The following NR3C1 variants were observed in gnomAD, a reference collection of about 807,000 sequenced individuals.
The protein encoded by NR3C1 is nuclear receptor subfamily 3 group C member 1, also known as glucocorticoid receptor.
In NR3C1, 14 loss-of-function variants were observed where a neutral mutation model predicts 74.0. That is an observed-to-expected ratio of 0.19 (90% CI 0.12 to 0.30). The LOEUF (loss-of-function observed/expected upper bound fraction) is 0.30. Among genes scored for constraint, NR3C1 ranks in the 10% least tolerant of loss-of-function variants. NR3C1 has a pLI of 1.00. For missense variants in NR3C1, 695 were observed against 909.8 expected (o/e 0.76, Z 3.04); for synonymous variants, 308 against 332.5 (o/e 0.93, Z 0.80).
intron 2 of NR3C1, among the ~76,000 whole-genome samples, chr5:143,366,666 T>C (rs562190147): frequency 1.3e-5 from 2 of 151,972 alleles, no homozygotes; most frequent in Non-Finnish European, 2.9e-5. Flanking sequence ...AATAAGATTA[T>C]AAAGGAATAC....
chr5:143,284,272 T>G (rs183549893), intron 7 of NR3C1, among the ~76,000 whole-genome samples: 1 of 152,118 alleles, frequency 6.6e-6, no homozygotes, highest in Non-Finnish European at 1.5e-5. Context: ...TTACTTGCCA[T>G]GTGGACTTGA....
intron 2 of NR3C1, among the ~76,000 whole-genome samples, chr5:143,347,003 A>G (rs1004246459): frequency 6.6e-6 from 1 of 152,234 alleles, no homozygotes; most frequent in African/African-American, 2.4e-5. Flanking sequence ...AGTACACAGC[A>G]CTGTAAAGGA....
At chr5:143,356,806 C>T (rs955655032) in intron 2 of NR3C1, among the ~76,000 whole-genome samples, 6 of 152,058 alleles carry the variant, frequency 3.9e-5, no homozygotes, top group South Asian at 4.1e-4. Context: ...ATCAGATGTA[C>T]GTTACTTTTC....
At chr5:143,384,006 T>C (rs1031530758) in intron 2 of NR3C1, among the ~76,000 whole-genome samples, 3 of 152,174 alleles carry the variant, frequency 2.0e-5, no homozygotes, top group Non-Finnish European at 2.9e-5. Flanking sequence ...AGAGACTTAA[T>C]TGACTTACAG....
At chr5:143,399,004 G>A (rs1839758100) in intron 2 of NR3C1, among the ~76,000 whole-genome samples, 1 of 152,148 alleles carries the variant, frequency 6.6e-6, no homozygotes, top group Non-Finnish European at 1.5e-5. Flanking sequence ...CTCTCTTAAA[G>A]AGATTGATCA....
intron 2 of NR3C1, among the ~76,000 whole-genome samples, chr5:143,355,622 A>C (rs542242092): frequency 6.6e-6 from 1 of 152,322 alleles, no homozygotes; most frequent in African/African-American, 2.4e-5. Flanking sequence ...GAAACTCCCA[A>C]ATGTGATCCT....
intron 2 of NR3C1, among the ~76,000 whole-genome samples, chr5:143,353,307 C>A (rs1383059145): frequency 1.3e-5 from 2 of 152,192 alleles, no homozygotes; most frequent in African/African-American, 4.8e-5. Context: ...CTGTTGGAAT[C>A]AACTTCTTTC....
intron 6 of NR3C1, 134 bp downstream of exon 6, chr5:143,298,534 C>A (rs1817799149): frequency 1.1e-6 from 1 of 900,938 alleles, no homozygotes; most frequent in Non-Finnish European, 1.8e-6. Context: ...ACTCTATTTC[C>A]AGTTTGCCTA....
At chr5:143,371,982 T>C (rs1219572208) in intron 2 of NR3C1, among the ~76,000 whole-genome samples, 1 of 152,196 alleles carries the variant, frequency 6.6e-6, no homozygotes, top group Non-Finnish European at 1.5e-5. Context: ...AGACCCCCAA[T>C]GGATGCCTGA....
At chr5:143,295,778 G>A (rs1470368497) in intron 6 of NR3C1, among the ~76,000 whole-genome samples, 188 bp from the exon 7 acceptor site, 2 of 152,124 alleles carry the variant, frequency 1.3e-5, no homozygotes, top group African/African-American at 2.4e-5. Context: ...CATCTTGGCT[G>A]TTTAAATAGA....
At chr5:143,351,484 A>G (rs1600190189) in intron 2 of NR3C1, among the ~76,000 whole-genome samples, 3 of 152,294 alleles carry the variant, frequency 2.0e-5, no homozygotes, top group Admixed American at 2.0e-4. Context: ...TTTGTTGAGG[A>G]AAAAAAGATG....
chr5:143,367,429 G>A (rs1280042656), intron 2 of NR3C1, among the ~76,000 whole-genome samples: 2 of 152,136 alleles, frequency 1.3e-5, no homozygotes, highest in African/African-American at 4.8e-5. Flanking sequence ...AGAAAAAGAA[G>A]TAAAAAATGT....
At chr5:143,333,730 T>A (rs1336040058) in intron 2 of NR3C1, among the ~76,000 whole-genome samples, 2 of 152,078 alleles carry the variant, frequency 1.3e-5, no homozygotes, top group Non-Finnish European at 2.9e-5. Flanking sequence ...ATTGCGCCAG[T>A]GCACTCCAGC....
chr5:143,333,380 T>G (rs1826408595), intron 2 of NR3C1: 1 of 624,262 alleles, frequency 1.6e-6, no homozygotes, highest in African/African-American at 1.8e-5. Flanking sequence ...CTGGTACAAA[T>G]AGATGGAGAC....
intron 2 of NR3C1, among the ~76,000 whole-genome samples, chr5:143,325,485 G>A (rs547733527): frequency 4.6e-4 from 70 of 152,284 alleles, no homozygotes; most frequent in African/African-American, 1.6e-3. Flanking sequence ...CAGCCAAACC[G>A]CATCACTATC....
chr5:143,313,751 T>C (rs373048228), intron 3 of NR3C1, among the ~76,000 whole-genome samples: 2 of 152,274 alleles, frequency 1.3e-5, no homozygotes, highest in East Asian at 1.9e-4. Flanking sequence ...CACTTTCTTA[T>C]AGTGTTACCT....
At chr5:143,376,849 T>A (rs1303280528) in intron 2 of NR3C1, among the ~76,000 whole-genome samples, 1 of 152,202 alleles carries the variant, frequency 6.6e-6, no homozygotes, top group Non-Finnish European at 1.5e-5. Context: ...ATTCACCATC[T>A]GTGACTTAAG....
intron 2 of NR3C1, among the ~76,000 whole-genome samples, chr5:143,350,476 A>T (rs1830037026): frequency 6.6e-6 from 1 of 152,146 alleles, no homozygotes; most frequent in Non-Finnish European, 1.5e-5. Context: ...ATATTTCCTG[A>T]GATAGGGACT....
chr5:143,415,430 C>G (rs570060333), intron 1 of NR3C1, among the ~76,000 whole-genome samples: 1 of 152,108 alleles, frequency 6.6e-6, no homozygotes, highest in Non-Finnish European at 1.5e-5. Flanking sequence ...TTCTGATGTT[C>G]TGCAGTACCA....
Sources: gnomAD v4.1 joint callset for allele counts (sites outside exome capture counted in the v4.1 genomes callset) on GRCh38, gnomAD v4.1.1 for gene constraint, MANE v1.5 for transcripts, NCBI Gene and HGNC (gene_info 2026-07-23, HGNC 2026-07-21) for gene names.